CCDC170: variants seen among roughly 807,000 people sequenced by gnomAD.
The protein encoded by CCDC170 is coiled-coil domain-containing protein 170.
Under a neutral mutation model 72.6 loss-of-function variants are expected in CCDC170, and 69 were observed. The observed-to-expected ratio is 0.95, with a 90% CI of 0.78 to 1.16. The LOEUF (loss-of-function observed/expected upper bound fraction) is 1.16. CCDC170 is among the 50% of genes most tolerant of loss of function. CCDC170 has a pLI of 0.00. For synonymous variants in CCDC170, 300 were observed against 303.9 expected (o/e 0.99, Z 0.13); for missense variants, 852 against 832.5 (o/e 1.02, Z -0.29).
intron 8 of CCDC170, among the ~76,000 whole-genome samples, chr6:151,593,547 G>T (rs764507490): frequency 1.7e-4 from 26 of 152,104 alleles, no homozygotes; most frequent in Non-Finnish European, 3.8e-4. Context: ...TTGTTTGTTT[G>T]TTTTTTCTCA....
At chr6:151,553,350 A>T (rs961864880) in intron 5 of CCDC170, among the ~76,000 whole-genome samples, 5 of 152,158 alleles carry the variant, frequency 3.3e-5, no homozygotes, top group African/African-American at 1.2e-4. Context: ...CATCCTACAT[A>T]CAAGTCTGAT....
At chr6:151,523,189 A>G (rs1782349002) in intron 1 of CCDC170, among the ~76,000 whole-genome samples, 2 of 152,044 alleles carry the variant, frequency 1.3e-5, no homozygotes, top group Non-Finnish European at 1.5e-5. Context: ...GCTGGATGCT[A>G]TGGATTCTGT....
At chr6:151,517,212 A>G (rs936708743) in intron 1 of CCDC170, among the ~76,000 whole-genome samples, 4 of 151,992 alleles carry the variant, frequency 2.6e-5, no homozygotes, top group Non-Finnish European at 4.4e-5. Flanking sequence ...CATGCCTATA[A>G]TCCCATCTAC....
intron 9 of CCDC170, among the ~76,000 whole-genome samples, chr6:151,599,023 G>A (rs1264563354): frequency 6.6e-6 from 1 of 152,166 alleles, no homozygotes; most frequent in Non-Finnish European, 1.5e-5. Context: ...TTCCAAAGAA[G>A]CTAGAAAAGA....
intron 5 of CCDC170, among the ~76,000 whole-genome samples, chr6:151,552,112 C>T (rs764430734): frequency 6.7e-5 from 10 of 150,310 alleles, no homozygotes; most frequent in Non-Finnish European, 1.0e-4. Flanking sequence ...TTTTTCTTCA[C>T]TGTGTGGTTT....
chr6:151,513,545 G>T (rs1371783173), intron 1 of CCDC170, among the ~76,000 whole-genome samples: 2 of 146,642 alleles, frequency 1.4e-5, no homozygotes, highest in Non-Finnish European at 3.0e-5. Context: ...GGGAGGCAGA[G>T]GTTGCAGTAA....
At chr6:151,515,369 G>A (rs1240754961) in intron 1 of CCDC170, among the ~76,000 whole-genome samples, 2 of 152,210 alleles carry the variant, frequency 1.3e-5, no homozygotes, top group Admixed American at 6.5e-5. Context: ...TGCAACCTCT[G>A]CCTCCCAGGT....
intron 9 of CCDC170, among the ~76,000 whole-genome samples, chr6:151,608,859 G>A (rs1776825308): frequency 6.6e-6 from 1 of 152,186 alleles, no homozygotes; most frequent in African/African-American, 2.4e-5. Context: ...GGAATAATGA[G>A]GTCACATGGA....
chr6:151,582,466 T>C (rs577140796), intron 6 of CCDC170, among the ~76,000 whole-genome samples: 4 of 152,236 alleles, frequency 2.6e-5, no homozygotes, highest in Non-Finnish European at 5.9e-5. Context: ...CTTAAGGGAA[T>C]GTTATGGCTG....
intron 1 of CCDC170, among the ~76,000 whole-genome samples, chr6:151,507,020 T>C (rs1782075514): frequency 6.6e-6 from 1 of 152,148 alleles, no homozygotes; most frequent in South Asian, 2.1e-4. Context: ...TACATACACA[T>C]CCTATTGGTT....
intron 1 of CCDC170, among the ~76,000 whole-genome samples, chr6:151,530,521 A>C (rs917579033): frequency 6.6e-6 from 1 of 151,646 alleles, no homozygotes; most frequent in Non-Finnish European, 1.5e-5. Context: ...GGCTCACTGC[A>C]ACCTCTGCCT....
At chr6:151,578,465 G>A (rs767630828) in intron 6 of CCDC170, among the ~76,000 whole-genome samples, 1 of 152,112 alleles carries the variant, frequency 6.6e-6, no homozygotes, top group Non-Finnish European at 1.5e-5. Context: ...CTCTATGCAT[G>A]TCGGTCTTCG....
intron 9 of CCDC170, among the ~76,000 whole-genome samples, chr6:151,609,523 A>G (rs1378679885): frequency 6.6e-6 from 1 of 152,240 alleles, no homozygotes; most frequent in Non-Finnish European, 1.5e-5. Flanking sequence ...TTAAGGAAGC[A>G]GACAGTAGAT....
intron 1 of CCDC170, among the ~76,000 whole-genome samples, chr6:151,527,904 C>T (rs1258105322): frequency 1.3e-5 from 2 of 152,008 alleles, no homozygotes; most frequent in African/African-American, 4.8e-5. Flanking sequence ...CTTATTTTTT[C>T]GTCCGTGGGA....
chr6:151,544,490 T>G, intron 3 of CCDC170, 82 bp from the exon 4 acceptor site: 11 of 1,307,028 alleles, frequency 8.4e-6, no homozygotes, highest in Non-Finnish European at 1.2e-5. Context: ...ATTTCCCCCA[T>G]AGAGCTTATA....
intron 8 of CCDC170, among the ~76,000 whole-genome samples, chr6:151,595,460 T>C (rs796192713): frequency 7.2e-5 from 11 of 152,300 alleles, no homozygotes; most frequent in African/African-American, 2.6e-4. Flanking sequence ...TTTATATGTA[T>C]AAGCAAAGCT....
intron 5 of CCDC170, among the ~76,000 whole-genome samples, chr6:151,562,689 C>T (rs1188740179): frequency 6.6e-6 from 1 of 152,176 alleles, no homozygotes; most frequent in Non-Finnish European, 1.5e-5. Flanking sequence ...CTAAGCTCTT[C>T]TGGTAGCAGA....
At chr6:151,527,829 T>C (rs1000933566) in intron 1 of CCDC170, among the ~76,000 whole-genome samples, 2 of 152,110 alleles carry the variant, frequency 1.3e-5, no homozygotes, top group African/African-American at 2.4e-5. Context: ...GGTTATGGGA[T>C]AGAATGATAA....
rs9371529 is a variant in CCDC170, at chr6:151,521,725, A to G, written c.58-14593A>G. ...CGGGCCAGGCGTGGTGGCTCACGCC[A>G]GTAATCCCAGCACTTTGGGAGGCCA... On this transcript the variant is annotated intron_variant, in intron 1 of 10. Transcript: ENST00000239374. Among the ~76,000 whole-genome samples the G allele has an allele frequency of 2.0e-5, 3 of 152,034 alleles. No homozygotes were observed. In the East Asian group the frequency reaches 5.8e-4, roughly 29 times the overall value.
Sources: allele counts gnomAD v4.1 joint callset (sites outside exome capture counted in the v4.1 genomes callset), GRCh38; gene constraint gnomAD v4.1.1; transcripts MANE v1.5; gene names NCBI Gene and HGNC (gene_info 2026-07-23, HGNC 2026-07-21).